Variants in DNAJC6 observed in about 807,000 individuals in gnomAD.
The protein encoded by DNAJC6 is auxilin.
In DNAJC6, 34 loss-of-function variants were observed where a neutral mutation model predicts 110.0. The ratio of observed to expected loss-of-function variants is 0.31; its 90% CI spans 0.24 to 0.41. The LOEUF (loss-of-function observed/expected upper bound fraction) is 0.41, where lower values mean the gene tolerates loss of function less well. Ranked by LOEUF, DNAJC6 falls within the 10% of genes least tolerant of loss-of-function variation. The probability of loss-of-function intolerance (pLI) is 1.00; values close to 1 mark genes in which losing one functional copy is unlikely to be tolerated. For synonymous variants in DNAJC6, 406 were observed against 437.2 expected (o/e 0.93, Z 0.89); for missense variants, 1,031 against 1,207.8 (o/e 0.85, Z 2.17).
chr1:65,381,028 C>T (rs1442037732), intron 5 of DNAJC6, among the ~76,000 whole-genome samples: 2 of 145,924 alleles, frequency 1.4e-5, no homozygotes, highest in African/African-American at 5.0e-5. Flanking sequence ...GAGTGATTCT[C>T]CTGCCTCAGC....
chr1:65,403,827 A>G (rs757182378), intron 15 of DNAJC6, among the ~76,000 whole-genome samples: 30 of 152,174 alleles, frequency 2.0e-4, no homozygotes, highest in Admixed American at 3.3e-4. Context: ...GAGTCCTGCA[A>G]TGTTGATGAG....
At chr1:65,282,833 A>C (rs952256843) in intron 1 of DNAJC6, among the ~76,000 whole-genome samples, 1 of 152,188 alleles carries the variant, frequency 6.6e-6, no homozygotes, top group Non-Finnish European at 1.5e-5. Context: ...CCCTATCCAA[A>C]TTATGAACTC....
chr1:65,281,520 T>A (rs1653843395), intron 1 of DNAJC6, among the ~76,000 whole-genome samples: 1 of 152,186 alleles, frequency 6.6e-6, no homozygotes, highest in Non-Finnish European at 1.5e-5. Context: ...TAGTATGTGG[T>A]CTGGCTGCCT....
intron 1 of DNAJC6, among the ~76,000 whole-genome samples, chr1:65,275,726 T>G (rs954016537): frequency 6.6e-6 from 1 of 152,066 alleles, no homozygotes; most frequent in African/African-American, 2.4e-5. Flanking sequence ...TCCCATATAT[T>G]CCTTCATTTT....
chr1:65,365,770 G>A (rs572668605), intron 2 of DNAJC6, 115 bp from the exon 3 acceptor site: 39 of 1,182,618 alleles, frequency 3.3e-5, no homozygotes, highest in Admixed American at 6.6e-5. Context: ...GAGGGGAGTC[G>A]AAACATGCCC....
chr1:65,276,263 A>C (rs1653667474), intron 1 of DNAJC6, among the ~76,000 whole-genome samples: 2 of 152,024 alleles, frequency 1.3e-5, no homozygotes, highest in African/African-American at 4.8e-5. Context: ...ATCTTAAAAA[A>C]CTTTGCTCAG....
intron 1 of DNAJC6, among the ~76,000 whole-genome samples, chr1:65,288,408 T>C (rs1654090177): frequency 6.6e-6 from 1 of 152,172 alleles, no homozygotes; most frequent in Non-Finnish European, 1.5e-5. Context: ...AAAAGCAAGA[T>C]TGGCAGCATA....
chr1:65,296,350 A>G (rs915821184), intron 1 of DNAJC6, among the ~76,000 whole-genome samples: 1 of 152,196 alleles, frequency 6.6e-6, no homozygotes, highest in African/African-American at 2.4e-5. Context: ...TGGAAAGTAG[A>G]AGTAAGTGAC....
At chr1:65,281,612 T>TG (rs1029147785) in intron 1 of DNAJC6, among the ~76,000 whole-genome samples, 55 of 152,004 alleles carry the variant, frequency 3.6e-4, no homozygotes, top group African/African-American at 1.3e-3. Context: ...TTTAGTTTTT[T>TG]TTTTGTTTTG....
chr1:65,394,632 C>T (rs184776363), intron 12 of DNAJC6, among the ~76,000 whole-genome samples: 3 of 152,196 alleles, frequency 2.0e-5, no homozygotes, highest in African/African-American at 7.2e-5. Context: ...CTCTTAAAAC[C>T]GAGGTGGGAT....
intron 1 of DNAJC6, among the ~76,000 whole-genome samples, chr1:65,314,431 C>G (rs1415303580): frequency 6.6e-6 from 1 of 152,096 alleles, no homozygotes; most frequent in Non-Finnish European, 1.5e-5. Context: ...TTAAGAATAT[C>G]TGCCCATTGA....
At chr1:65,270,761 G>A (rs751772878) in intron 1 of DNAJC6, among the ~76,000 whole-genome samples, 1 of 152,026 alleles carries the variant, frequency 6.6e-6, no homozygotes, top group African/African-American at 2.4e-5. Context: ...TCGCTGCAAC[G>A]TCCACCTTCC....
chr1:65,366,475 A>G (rs1645647686), intron 4 of DNAJC6, among the ~76,000 whole-genome samples: 1 of 152,176 alleles, frequency 6.6e-6, no homozygotes, highest in South Asian at 2.1e-4. Flanking sequence ...CACAGTGTTC[A>G]TGAGGCTTAA....
chr1:65,289,812 GTTT>G (rs34346164), intron 1 of DNAJC6, among the ~76,000 whole-genome samples: 1 of 138,050 alleles, frequency 7.2e-6, no homozygotes, highest in Non-Finnish European at 1.6e-5. Context: ...TGTCATTGTT[GTTT>G]TTTTTTTTTT....
intron 4 of DNAJC6, among the ~76,000 whole-genome samples, chr1:65,376,460 C>T (rs1645767440): frequency 6.6e-6 from 1 of 151,506 alleles, no homozygotes; most frequent in African/African-American, 2.4e-5. Context: ...TTTTCCAGTT[C>T]CTTGAGGTGT....
intron 11 of DNAJC6, among the ~76,000 whole-genome samples, chr1:65,391,496 C>G (rs895985053): frequency 6.6e-6 from 1 of 152,092 alleles, no homozygotes; most frequent in Non-Finnish European, 1.5e-5. Context: ...GTATAAGGAC[C>G]TTTCACAGCA....
chr1:65,395,377 T>C (rs4329545), intron 13 of DNAJC6, among the ~76,000 whole-genome samples: 103,323 of 152,122 alleles, frequency 0.68, 36,255 homozygotes, highest in African/African-American at 0.87. Flanking sequence ...TATGAAATGA[T>C]TGGAAGATAC....
Position 65,389,332 on chromosome 1 carries a change from C to T in DNAJC6, c.1270C>T (p.Pro424Ser), listed in dbSNP as rs759679738. Residue 424 changes from proline (P) to serine (S), a missense_variant, in exon 10 of 19, where the codon CCC becomes TCC. By Grantham distance (74) the Pro-to-Ser change is moderately conservative (BLOSUM62 -1). Coordinates refer to ENST00000371069, the MANE Select transcript of DNAJC6 (RefSeq NM_001256864.2). ...GGTGACACTGGATGTAGAACTACAG[C>T]CCCATGACAAAGTAATAGACTTAAC... Reference protein sequence around the residue: ...FQVTLDVELQPHDKVIDLTPP... With the variant: ...FQVTLDVELQSHDKVIDLTPP... 1 of 1,614,128 alleles carries T rather than the reference C, an allele frequency of 6.2e-7. No homozygotes were observed. The highest frequency in any genetic ancestry group is 1.7e-5 in the Admixed American group (1 of 60,016).
At chr1:65,375,676 T>G (rs1645758363) in intron 4 of DNAJC6, among the ~76,000 whole-genome samples, 1 of 152,212 alleles carries the variant, frequency 6.6e-6, no homozygotes, top group African/African-American at 2.4e-5. Context: ...TCCGCCTGCC[T>G]CAGCCTCCTG....
Sources: gnomAD v4.1 joint callset for allele counts (sites outside exome capture counted in the v4.1 genomes callset) on GRCh38, gnomAD v4.1.1 for gene constraint, MANE v1.5 for transcripts, NCBI Gene and HGNC (gene_info 2026-07-23, HGNC 2026-07-21) for gene names.